JAM3: variants seen among roughly 807,000 people sequenced by gnomAD.
JAM3 encodes junctional adhesion molecule C.
In JAM3, 31 loss-of-function variants were observed where a neutral mutation model predicts 39.4. The ratio of observed to expected loss-of-function variants is 0.79; its 90% confidence interval spans 0.59 to 1.06. The LOEUF (loss-of-function observed/expected upper bound fraction) is 1.06. Ranked by LOEUF, JAM3 falls within the 50% of genes least tolerant of loss-of-function variation. JAM3 has a pLI of 0.00. For synonymous variants in JAM3, 182 were observed against 148.7 expected (o/e 1.22, Z -1.63); for missense variants, 455 against 391.4 (o/e 1.16, Z -1.37).
intron 1 of JAM3, among the ~76,000 whole-genome samples, chr11:134,136,128 T>C (rs564935042): frequency 2.1e-5 from 2 of 93,532 alleles, no homozygotes; most frequent in East Asian, 7.2e-4. Context: ...AAGAGTATGA[T>C]GGACAGGCCA....
Position 134,135,867 on chromosome 11 carries a change from G to T in JAM3, c.77-3984G>T, listed in dbSNP as rs12802438. 2.0e-5 allele frequency among the ~76,000 whole-genome samples: 3 copies of T among 152,078 alleles called. No homozygotes were observed. The East Asian group carries it at 5.8e-4, about 29-fold the overall frequency. ...GTAGAACACCTGAGATCAGGAGTTC[G>T]AGACCAGTCTGGCCAACGTGGTGAA... On this transcript the variant is annotated intron_variant, in intron 1 of 8. Transcript: ENST00000299106.
chr11:134,127,922 C>T lies in JAM3; in HGVS notation c.77-11929C>T, dbSNP rs144376999. On this transcript the variant is annotated intron_variant, in intron 1 of 8. Coordinates refer to ENST00000299106, the MANE Select transcript of JAM3 (RefSeq NM_032801.5). ...CACTCTCTGGGCTCTTCTTACTCCT[C>T]TCTGCACTGGATGTCCAGACAGACA... Among the ~76,000 whole-genome samples, 195 of 152,270 alleles carry T rather than the reference C, an allele frequency of 1.3e-3. No individual in the cohort carries two copies. In the Middle Eastern group the frequency reaches 0.014, roughly 11 times the overall value.
At chr11:134,143,367 G>C (rs1354312385) in intron 3 of JAM3, among the ~76,000 whole-genome samples, 3 of 152,088 alleles carry the variant, frequency 2.0e-5, no homozygotes, top group Non-Finnish European at 2.9e-5. Context: ...ATTTTCTTTG[G>C]AGAAATGTCT....
intron 1 of JAM3, among the ~76,000 whole-genome samples, chr11:134,094,792 G>A (rs1941946322): frequency 6.6e-6 from 1 of 152,174 alleles, no homozygotes; most frequent in Admixed American, 6.5e-5. Context: ...TTGTTTGTGT[G>A]TGTTGTTTAT....
intron 1 of JAM3, among the ~76,000 whole-genome samples, chr11:134,081,603 A>G (rs1460064487): frequency 1.3e-5 from 2 of 152,182 alleles, no homozygotes; most frequent in African/African-American, 4.8e-5. Flanking sequence ...CTTCACCTAG[A>G]TTTCAGAGGA....
At chr11:134,112,833 C>T (rs1425466914) in intron 1 of JAM3, among the ~76,000 whole-genome samples, 1 of 152,156 alleles carries the variant, frequency 6.6e-6, no homozygotes, top group Non-Finnish European at 1.5e-5. Flanking sequence ...AGGATATGAC[C>T]TCCAATATGA....
chr11:134,124,127 A>C, intron 1 of JAM3: 4 of 1,496,256 alleles, frequency 2.7e-6, no homozygotes, highest in Non-Finnish European at 3.7e-6. Context: ...CTCCATCATC[A>C]AATGGCCAAT....
intron 1 of JAM3, chr11:134,070,166 T>G (rs759164424): frequency 2.2e-6 from 1 of 456,122 alleles, no homozygotes; most frequent in Non-Finnish European, 4.4e-6. Context: ...ATTAATCCAT[T>G]TTCAGAGTCA....
At chr11:134,112,153 C>G (rs1403513928) in intron 1 of JAM3, among the ~76,000 whole-genome samples, 1 of 152,148 alleles carries the variant, frequency 6.6e-6, no homozygotes, top group Admixed American at 6.5e-5. Context: ...GTTGCATGGC[C>G]TTGGCTCACT....
At chr11:134,143,231 T>A (rs1943007057) in intron 3 of JAM3, among the ~76,000 whole-genome samples, 1 of 152,192 alleles carries the variant, frequency 6.6e-6, no homozygotes, top group Admixed American at 6.5e-5. Flanking sequence ...TTTTCCCACA[T>A]CCTTACCAAC....
chr11:134,140,250 T>C (rs1443709020), intron 2 of JAM3, among the ~76,000 whole-genome samples: 1 of 152,174 alleles, frequency 6.6e-6, no homozygotes, highest in Non-Finnish European at 1.5e-5. Context: ...GCCTCCTGAG[T>C]AGCTGGGATT....
intron 1 of JAM3, among the ~76,000 whole-genome samples, chr11:134,083,967 C>CT (rs909455346): frequency 1.8e-4 from 28 of 152,262 alleles, no homozygotes; most frequent in Middle Eastern, 3.4e-3. Flanking sequence ...GAAATATTAC[C>CT]TTTTTTTCTC....
chr11:134,111,744 G>A (rs1038184384), intron 1 of JAM3, among the ~76,000 whole-genome samples: 1 of 152,132 alleles, frequency 6.6e-6, no homozygotes, highest in Non-Finnish European at 1.5e-5. Flanking sequence ...AAAAAAGTTT[G>A]CTTTCATTCC....
chr11:134,069,475 GCGGGGTCCTGTGCTGGGCGGTGGGCT>G (rs1941452040), intron 1 of JAM3, among the ~76,000 whole-genome samples: 1 of 151,726 alleles, frequency 6.6e-6, no homozygotes, highest in African/African-American at 2.4e-5. Context: ...CTCTTCTCGG[GCGGGGTCCTGTGCTGGGCGGTGGGCT>G]CATCCCCCGG....
At chr11:134,129,170 A>T (rs1942713879) in intron 1 of JAM3, among the ~76,000 whole-genome samples, 1 of 144,962 alleles carries the variant, frequency 6.9e-6, no homozygotes, top group South Asian at 2.2e-4. Context: ...CCCAGGTTGG[A>T]GTGCAGTGGC....
intron 1 of JAM3, among the ~76,000 whole-genome samples, chr11:134,105,843 AAAAG>A (rs1368572204): frequency 6.6e-6 from 1 of 152,228 alleles, no homozygotes; most frequent in East Asian, 1.9e-4. Flanking sequence ...TCAACGAAAT[AAAAG>A]AGGACACAAA....
intron 1 of JAM3, among the ~76,000 whole-genome samples, chr11:134,090,235 T>A (rs1941822042): frequency 6.6e-6 from 1 of 152,172 alleles, no homozygotes; most frequent in African/African-American, 2.4e-5. Flanking sequence ...ATTGCAAAAA[T>A]TTTCTCCCAT....
chr11:134,129,257 T>C (rs1201592020), intron 1 of JAM3, among the ~76,000 whole-genome samples: 2 of 151,948 alleles, frequency 1.3e-5, no homozygotes, highest in Admixed American at 6.6e-5. Flanking sequence ...GATGGGACTA[T>C]AGGCACCCGC....
chr11:134,111,133 CT>C (rs71038561), intron 1 of JAM3, among the ~76,000 whole-genome samples: 882 of 86,636 alleles, frequency 0.01, no homozygotes, highest in African/African-American at 0.037. Context: ...ACACATCCAT[CT>C]TTTTTTTTTT....
Sources: gnomAD v4.1 joint callset for allele counts (sites outside exome capture counted in the v4.1 genomes callset) on GRCh38, gnomAD v4.1.1 for gene constraint, MANE v1.5 for transcripts, NCBI Gene and HGNC (gene_info 2026-07-23, HGNC 2026-07-21) for gene names.